The following CTCF variants were observed in gnomAD, a reference collection of about 807,000 sequenced individuals.
CTCF encodes transcriptional repressor CTCF.
CTCF carries 7 observed loss-of-function variants against 72.3 expected under a neutral mutation model. The ratio of observed to expected loss-of-function variants is 0.10; its 90% CI spans 0.06 to 0.18. The LOEUF (loss-of-function observed/expected upper bound fraction) is 0.18. Ranked by LOEUF, CTCF falls within the 10% of genes least tolerant of loss-of-function variation. The probability of loss-of-function intolerance (pLI) is 1.00; values close to 1 mark genes in which losing one functional copy is unlikely to be tolerated. For missense variants in CTCF, 516 were observed against 949.1 expected (o/e 0.54, Z 6.00); for synonymous variants, 374 against 315.8 (o/e 1.18, Z -1.95).
chr16:67,591,273 CAG>C (rs963022822), intron 2 of CTCF, among the ~76,000 whole-genome samples: 4 of 152,134 alleles, frequency 2.6e-5, no homozygotes, highest in African/African-American at 9.7e-5. Flanking sequence ...GCCTGGGTGA[CAG>C]AGCGAGACTC....
intron 2 of CTCF, among the ~76,000 whole-genome samples, chr16:67,605,808 A>G (rs770470874): frequency 6.6e-6 from 1 of 152,174 alleles, no homozygotes; most frequent in Non-Finnish European, 1.5e-5. Context: ...GATCAGACGT[A>G]AAGTACAGAG....
At chr16:67,591,739 G>T (rs1567600038) in intron 2 of CTCF, among the ~76,000 whole-genome samples, 2 of 151,982 alleles carry the variant, frequency 1.3e-5, no homozygotes. Flanking sequence ...GGCAGTAAGG[G>T]CACAGAGTCT....
chr16:67,611,850 T>C, intron 3 of CTCF, 101 bp from the exon 4 acceptor site: 1 of 1,124,546 alleles, frequency 8.9e-7, no homozygotes, highest in South Asian at 1.4e-5. Flanking sequence ...TTGGGTTTTG[T>C]TATTAAAAGC....
chr16:67,586,303 G>A (rs894711654), intron 2 of CTCF, among the ~76,000 whole-genome samples: 7 of 151,256 alleles, frequency 4.6e-5, no homozygotes, highest in South Asian at 4.2e-4. Context: ...TTGGAAGGCC[G>A]AGGCGGGTGG....
At chr16:67,636,569 G>A (rs1597733051) in intron 10 of CTCF, 121 bp from the exon 11 acceptor site, 6 of 244,744 alleles carry the variant, frequency 2.5e-5, no homozygotes, top group African/African-American at 2.6e-5. Context: ...GAAAGAAAGT[G>A]TATATATATA....
chr16:67,636,569 G>GTATATA lies in CTCF; in HGVS notation c.1838-105_1838-100dup, dbSNP rs66893507. 7.3e-4 allele frequency: 178 copies of GTATATA among 244,740 alleles called. 1 individual carries two copies. Among genetic ancestry groups the GTATATA allele is most frequent in the Middle Eastern group, 1.6e-3 (1 of 630 alleles). The allele number at this position is 244,740 out of a possible 1,614,324, so 15.2% of individuals were successfully genotyped here. The stretch of plus-strand genomic sequence containing the variant: ...TCAAAAAAAAAAAAAGAAAGAAAGT[G>GTATATA]TATATATATATATATATATATTTAT... On this transcript the variant is annotated intron_variant, in intron 10 of 11. Coordinates refer to ENST00000264010, the MANE Select transcript of CTCF (RefSeq NM_006565.4).
chr16:67,630,770 G>T (rs1451934045), intron 10 of CTCF, among the ~76,000 whole-genome samples: 1 of 152,138 alleles, frequency 6.6e-6, no homozygotes, highest in Non-Finnish European at 1.5e-5. Context: ...AAAACAAAAA[G>T]TGCCAAGCCT....
At chr16:67,578,474 A>C (rs2051533982) in intron 2 of CTCF, among the ~76,000 whole-genome samples, 1 of 151,610 alleles carries the variant, frequency 6.6e-6, no homozygotes, top group South Asian at 2.1e-4. Flanking sequence ...CTGAGATTAC[A>C]CACATGTGCG....
At chr16:67,591,322 G>A (rs2142765071) in intron 2 of CTCF, among the ~76,000 whole-genome samples, 1 of 152,252 alleles carries the variant, frequency 6.6e-6, no homozygotes, top group East Asian at 1.9e-4. Flanking sequence ...TGTCAGAGAA[G>A]TGAGAGGTAC....
intron 1 of CTCF, among the ~76,000 whole-genome samples, chr16:67,565,479 CCTGA>C (rs957091341): frequency 3.3e-5 from 5 of 151,760 alleles, no homozygotes; most frequent in African/African-American, 9.7e-5. Flanking sequence ...TTGAGACCAT[CCTGA>C]CTAACACAGT....
chr16:67,604,175 T>A (rs1027107180), intron 2 of CTCF, among the ~76,000 whole-genome samples: 6 of 148,412 alleles, frequency 4.0e-5, no homozygotes, highest in African/African-American at 1.2e-4. Flanking sequence ...TTGAGCATGG[T>A]GGCATAAACT....
chr16:67,637,112 G>T (rs561049804), intron 11 of CTCF, among the ~76,000 whole-genome samples: 2 of 152,318 alleles, frequency 1.3e-5, no homozygotes, highest in South Asian at 4.1e-4. Flanking sequence ...TACTGTTAAT[G>T]TGGGCGGGTT....
rs1025754364 is a variant in CTCF at position 67,597,363 on chromosome 16, A to G, written c.-9-13461A>G. Among the ~76,000 whole-genome samples, 3 of 151,618 alleles carry G rather than the reference A, an allele frequency of 2.0e-5. No homozygotes were observed. In the East Asian group the frequency reaches 5.8e-4, roughly 29 times the overall value. ...ATGCTTTTTTTTTTTATTTTGATAC[A>G]GAGTCTCGCTCTGTTGCCCAGGCTG... On this transcript the variant is annotated intron_variant, in intron 2 of 11. Coordinates refer to ENST00000264010, the MANE Select transcript of CTCF (RefSeq NM_006565.4).
chr16:67,582,983 C>A (rs995256605), intron 2 of CTCF, among the ~76,000 whole-genome samples: 4 of 136,038 alleles, frequency 2.9e-5, no homozygotes, highest in Non-Finnish European at 6.4e-5. Context: ...TCTTATTTTT[C>A]TTTTTTTTTT....
At chr16:67,603,656 T>C (rs1225143526) in intron 2 of CTCF, among the ~76,000 whole-genome samples, 1 of 151,176 alleles carries the variant, frequency 6.6e-6, no homozygotes, top group African/African-American at 2.4e-5. Flanking sequence ...AAACCCCGTC[T>C]CTACTAAAAG....
intron 2 of CTCF, among the ~76,000 whole-genome samples, chr16:67,573,807 C>G (rs917409055): frequency 6.6e-6 from 1 of 152,022 alleles, no homozygotes; most frequent in East Asian, 1.9e-4. Flanking sequence ...CCAAGGTGGG[C>G]AGATTGCAAG....
chr16:67,612,572 AG>A (rs1460224036), intron 4 of CTCF: 1 of 151,928 alleles, frequency 6.6e-6, no homozygotes, highest in East Asian at 1.9e-4. Context: ...CCTGGGCGAC[AG>A]TGCGAGTCTC....
chr16:67,569,459 C>T (rs1392873194), intron 1 of CTCF, among the ~76,000 whole-genome samples: 1 of 152,176 alleles, frequency 6.6e-6, no homozygotes, highest in African/African-American at 2.4e-5. Context: ...GCTGGGATTA[C>T]AGGTGTGAGC....
chr16:67,629,698 C>T (rs1433871850), intron 10 of CTCF, among the ~76,000 whole-genome samples, 165 bp downstream of exon 10: 2 of 103,170 alleles, frequency 1.9e-5, no homozygotes, highest in African/African-American at 7.1e-5. Context: ...TAGTGTTTTT[C>T]TGGGGCATAT....
Sources: gnomAD v4.1 joint callset for allele counts (sites outside exome capture counted in the v4.1 genomes callset) on GRCh38, gnomAD v4.1.1 for gene constraint, MANE v1.5 for transcripts, NCBI Gene and HGNC (gene_info 2026-07-23, HGNC 2026-07-21) for gene names.